MNAT1: variants seen among roughly 807,000 people sequenced by gnomAD.
MNAT1 encodes the protein MNAT1 component of CDK activating kinase, also known as CDK-activating kinase assembly factor MAT1.
Under a neutral mutation model 42.0 loss-of-function variants are expected in MNAT1, and 43 were observed. The observed-to-expected ratio is 1.02, with a 90% CI of 0.80 to 1.32. The LOEUF is 1.32. Ranked by LOEUF, MNAT1 falls within the 40% of genes most tolerant of loss-of-function variation. MNAT1 has a pLI of 0.00. For synonymous variants in MNAT1, 118 were observed against 120.0 expected (o/e 0.98, Z 0.11); for missense variants, 306 against 350.4 (o/e 0.87, Z 1.01).
intron 1 of MNAT1, among the ~76,000 whole-genome samples, chr14:60,762,907 T>C (rs1428434118): frequency 6.6e-6 from 1 of 152,182 alleles, no homozygotes; most frequent in African/African-American, 2.4e-5. Context: ...ACATAATTTC[T>C]TGTAGCTCAG....
chr14:60,775,771 C>T (rs1351574375), intron 1 of MNAT1, among the ~76,000 whole-genome samples: 1 of 151,998 alleles, frequency 6.6e-6, no homozygotes, highest in Admixed American at 6.6e-5. Context: ...TTATTTTTGT[C>T]TCTATAGTAT....
chr14:60,855,859 A>G (rs938850876), intron 6 of MNAT1, among the ~76,000 whole-genome samples: 9 of 152,116 alleles, frequency 5.9e-5, no homozygotes, highest in African/African-American at 2.2e-4. Flanking sequence ...GCTGCCAGGA[A>G]CCACACCCAT....
intron 1 of MNAT1, among the ~76,000 whole-genome samples, chr14:60,768,447 C>A (rs1187654837): frequency 6.6e-6 from 1 of 152,118 alleles, no homozygotes; most frequent in Non-Finnish European, 1.5e-5. Context: ...TCTACAGAAA[C>A]ACAAGGACAA....
At chr14:60,771,586 T>G (rs2031058448) in intron 1 of MNAT1, among the ~76,000 whole-genome samples, 2 of 152,200 alleles carry the variant, frequency 1.3e-5, no homozygotes, top group Non-Finnish European at 1.5e-5. Context: ...GAAGCCAAAG[T>G]CCTTATAGCG....
intron 6 of MNAT1, among the ~76,000 whole-genome samples, chr14:60,827,071 A>G (rs1225099403): frequency 1.3e-5 from 2 of 152,252 alleles, no homozygotes; most frequent in Admixed American, 1.3e-4. Context: ...AATGAGTCAC[A>G]AAGATAACCT....
intron 1 of MNAT1, among the ~76,000 whole-genome samples, chr14:60,776,590 C>T (rs2031260762): frequency 6.6e-6 from 1 of 152,058 alleles, no homozygotes; most frequent in Admixed American, 6.6e-5. Context: ...GGAGCAGATA[C>T]TTTTAGGGGA....
chr14:60,869,774 CTAAT>C (rs1468320532), intron 6 of MNAT1, among the ~76,000 whole-genome samples: 2 of 152,028 alleles, frequency 1.3e-5, no homozygotes, highest in Non-Finnish European at 2.9e-5. Flanking sequence ...AATCTATATA[CTAAT>C]TGATTATTTT....
intron 7 of MNAT1, among the ~76,000 whole-genome samples, chr14:60,959,920 G>GTTTTTTTTTTTTTTTTT (rs11359127): frequency 5.4e-5 from 5 of 93,186 alleles, no homozygotes; most frequent in South Asian, 4.0e-4. Flanking sequence ...TGGTTTTTAT[G>GTTTTTTTTTTTTTTTTT]TTTTTTTTTT....
intron 6 of MNAT1, among the ~76,000 whole-genome samples, chr14:60,870,852 T>C (rs1394103987): frequency 1.3e-5 from 2 of 152,176 alleles, no homozygotes; most frequent in Non-Finnish European, 2.9e-5. Context: ...TTTTAGGATG[T>C]TTTCATCACT....
At chr14:60,893,551 A>T (rs377346505) in intron 7 of MNAT1, among the ~76,000 whole-genome samples, 1 of 152,184 alleles carries the variant, frequency 6.6e-6, no homozygotes, top group Admixed American at 6.6e-5. Context: ...AAATATTTAC[A>T]TGCCTTTTTC....
intron 6 of MNAT1, among the ~76,000 whole-genome samples, chr14:60,874,073 A>C (rs1223559596): frequency 6.6e-6 from 1 of 152,188 alleles, no homozygotes; most frequent in Non-Finnish European, 1.5e-5. Context: ...GGTTTACTAA[A>C]TTGCTTTTCA....
At chr14:60,766,881 A>G (rs1454879457) in intron 1 of MNAT1, among the ~76,000 whole-genome samples, 5 of 152,242 alleles carry the variant, frequency 3.3e-5, no homozygotes, top group African/African-American at 7.2e-5. Flanking sequence ...CAAATACATT[A>G]TAGTTGAAAA....
intron 1 of MNAT1, among the ~76,000 whole-genome samples, chr14:60,764,270 G>T (rs1031238352): frequency 6.6e-6 from 1 of 152,164 alleles, no homozygotes; most frequent in African/African-American, 2.4e-5. Flanking sequence ...AATAAAAGGG[G>T]TTATATACTT....
chr14:60,922,141 T>G (rs2035674555), intron 7 of MNAT1, among the ~76,000 whole-genome samples: 1 of 152,216 alleles, frequency 6.6e-6, no homozygotes, highest in Non-Finnish European at 1.5e-5. Context: ...AAACTGACTT[T>G]TACATTACTA....
chr14:60,898,504 T>C (rs2035008837), intron 7 of MNAT1, among the ~76,000 whole-genome samples: 1 of 152,196 alleles, frequency 6.6e-6, no homozygotes, highest in Non-Finnish European at 1.5e-5. Flanking sequence ...TGCATTTCCC[T>C]GATGATTAGT....
At chr14:60,934,092 T>C (rs2035942426) in intron 7 of MNAT1, among the ~76,000 whole-genome samples, 1 of 152,168 alleles carries the variant, frequency 6.6e-6, no homozygotes, top group Non-Finnish European at 1.5e-5. Context: ...AGAGAGTTTA[T>C]TGGTTTCAGA....
chr14:60,947,990 G>A (rs1038122243), intron 7 of MNAT1, among the ~76,000 whole-genome samples: 1 of 152,130 alleles, frequency 6.6e-6, no homozygotes, highest in Admixed American at 6.5e-5. Context: ...CCCCATAGAG[G>A]CCCTCATAAT....
chr14:60,857,155 A>C (rs1205820448), intron 6 of MNAT1, among the ~76,000 whole-genome samples: 2 of 152,210 alleles, frequency 1.3e-5, no homozygotes, highest in African/African-American at 4.8e-5. Context: ...TTCTTTCAAA[A>C]TATTACTGTT....
intron 7 of MNAT1, among the ~76,000 whole-genome samples, chr14:60,959,330 G>C (rs1368673749): frequency 6.6e-6 from 1 of 152,208 alleles, no homozygotes; most frequent in Non-Finnish European, 1.5e-5. Context: ...CCTGTGCAGA[G>C]CAGGCCACTA....
Sources: gnomAD v4.1 joint callset for allele counts (sites outside exome capture counted in the v4.1 genomes callset) on GRCh38, gnomAD v4.1.1 for gene constraint, MANE v1.5 for transcripts, NCBI Gene and HGNC (gene_info 2026-07-23, HGNC 2026-07-21) for gene names.